The following CCDC85C variants were observed in gnomAD, a reference collection of about 807,000 sequenced individuals.
CCDC85C encodes the protein coiled-coil domain containing 85C, also known as coiled-coil domain-containing protein 85C.
In CCDC85C, 18 loss-of-function variants were observed where a neutral mutation model predicts 38.3. The ratio of observed to expected loss-of-function variants is 0.47; its 90% CI spans 0.33 to 0.70. The LOEUF is 0.70. CCDC85C is among the 30% of genes least tolerant of loss of function. CCDC85C has a pLI of 0.03. For synonymous variants in CCDC85C, 264 were observed against 293.8 expected (o/e 0.90, Z 1.04); for missense variants, 566 against 621.2 (o/e 0.91, Z 0.94).
intron 1 of CCDC85C, among the ~76,000 whole-genome samples, chr14:99,571,319 C>T (rs2400756): frequency 0.57 from 86,833 of 151,818 alleles, 24,926 homozygotes; most frequent in African/African-American, 0.62. Flanking sequence ...GGAACAGGCA[C>T]AGCCACAGCA....
In CCDC85C at chr14:99,603,784, C is replaced by A. The variant is rs1595115044; in HGVS notation, c.176G>T (p.Arg59Leu). 2.0e-6 allele frequency: 3 copies of A among 1,525,850 alleles called. No homozygotes were observed. The highest frequency in any genetic ancestry group is 2.0e-5 in the Admixed American group (1 of 50,078). The allele number at this position is 1,525,850 out of a possible 1,614,324, so 94.5% of individuals were successfully genotyped here. A position where few individuals can be genotyped will look rare whatever the true frequency, so the allele number is the denominator to read the frequency against. Reference protein sequence around the residue: ...HGGLMRDVNRRLQQHLLEIRG... With the variant: ...HGGLMRDVNRLLQQHLLEIRG... ...GATCTCCAGCAGGTGCTGCTGCAGC[C>A]GCCGGTTCACGTCGCGCATCAGGCC... The change falls in exon 1 of 6, where the codon CGG (arginine) becomes CTG (leucine). Residue 59 changes from arginine (R) to leucine (L), a missense_variant. Physicochemically the swap from Arg to Leu is moderately radical, Grantham distance 102. Transcript: ENST00000380243. This position sits in a 1 kb window ranked among gnomAD's most constrained non-coding sequence, Gnocchi z 7.5.
chr14:99,520,005 G>A lies in CCDC85C; in HGVS notation c.975+2128C>T, dbSNP rs1390994831. ...GCACAAGTCTGAGTGTCCTCCCTTA[G>A]GAGGCTGATGGGTATAAACCACCTC... On this transcript the variant is annotated intron_variant, in intron 3 of 5. Coordinates refer to ENST00000380243, the MANE Select transcript of CCDC85C (RefSeq NM_001144995.2). The surrounding 1 kb of genome is among the most constrained non-coding windows in gnomAD (Gnocchi z 4.1). Among the ~76,000 whole-genome samples, 1 of 152,172 alleles carries A rather than the reference G, an allele frequency of 6.6e-6. No homozygotes were observed. Among genetic ancestry groups the A allele is most frequent in the Non-Finnish European group, 1.5e-5 (1 of 68,032 alleles).
intron 3 of CCDC85C, among the ~76,000 whole-genome samples, chr14:99,517,499 GC>G (rs1284260511): frequency 2.0e-5 from 3 of 152,192 alleles, no homozygotes; most frequent in African/African-American, 7.2e-5. Context: ...CGTCTGTTTT[GC>G]AAGGAAAGTA....
At chr14:99,587,923 T>C (rs2139983358) in intron 1 of CCDC85C, among the ~76,000 whole-genome samples, 1 of 152,308 alleles carries the variant, frequency 6.6e-6, no homozygotes, top group East Asian at 1.9e-4. Context: ...AGAGCCACAC[T>C]GCCCTCCTGG....
intron 1 of CCDC85C, among the ~76,000 whole-genome samples, chr14:99,599,865 C>A (rs954448009): frequency 6.6e-6 from 1 of 152,174 alleles, no homozygotes; most frequent in African/African-American, 2.4e-5. Flanking sequence ...ACCAGAGAGA[C>A]CCTGTCTCTA....
chr14:99,552,453 G>A (rs1897929140), intron 1 of CCDC85C, among the ~76,000 whole-genome samples: 1 of 152,248 alleles, frequency 6.6e-6, no homozygotes, highest in African/African-American at 2.4e-5. Context: ...GCAGGTCTGT[G>A]CTGGCTGAGT....
rs1897341939 is a variant in CCDC85C at position 99,524,218 on chromosome 14, A to G, written c.868-1978T>C. On this transcript the variant is annotated intron_variant, in intron 2 of 5. Transcript: ENST00000380243. ...GCACACACTCTGAATGCGTGCGTGC[A>G]CATACACACAGTCTGACTACTGGGC... Among the ~76,000 whole-genome samples, 3 of 152,088 alleles carry G rather than the reference A, an allele frequency of 2.0e-5. 1 individual carries two copies. The South Asian group carries it at 6.2e-4, about 32-fold the overall frequency.
At chr14:99,586,453 C>A (rs117815326) in intron 1 of CCDC85C, among the ~76,000 whole-genome samples, 2 of 152,188 alleles carry the variant, frequency 1.3e-5, no homozygotes, top group Non-Finnish European at 2.9e-5. Context: ...AACGGAGGCA[C>A]GTGGTGAGGG....
chr14:99,576,873 C>T lies in CCDC85C; in HGVS notation c.793+26294G>A, dbSNP rs772909142. Among the ~76,000 whole-genome samples the T allele has an allele frequency of 2.2e-4, 33 of 152,136 alleles. No individual in the cohort carries two copies. Among genetic ancestry groups the T allele is most frequent in the Non-Finnish European group, 3.8e-4 (26 of 67,968 alleles). On this transcript the variant is annotated intron_variant, in intron 1 of 5. Transcript: ENST00000380243. This position sits in a 1 kb window ranked among gnomAD's most constrained non-coding sequence, Gnocchi z 4.8. ...CCCAAGACAGCACAGCGGGGCAGCACTCTCTCCGGGTCACCCCGGATGCCT... is the reference window on the plus strand; with the variant it reads ...CCCAAGACAGCACAGCGGGGCAGCATTCTCTCCGGGTCACCCCGGATGCCT...
intron 1 of CCDC85C, among the ~76,000 whole-genome samples, chr14:99,571,383 AC>A (rs2139962290): frequency 6.7e-6 from 1 of 149,402 alleles, no homozygotes; most frequent in Admixed American, 6.6e-5. Flanking sequence ...CTACCAAGTT[AC>A]GATAACCCCC....
rs889853860 is a variant in CCDC85C at position 99,603,399 on chromosome 14, G to A, written c.561C>T (p.Ser187=). Residue 187 remains serine (S), a synonymous_variant, in exon 1 of 6, where the codon AGC becomes AGT. Coordinates refer to ENST00000380243, the MANE Select transcript of CCDC85C (RefSeq NM_001144995.2). The surrounding 1 kb of genome is among the most constrained non-coding windows in gnomAD (Gnocchi z 7.5). ...RSSIDSQASL[S]GPLSGGAPGA... is the part of the protein sequence containing the mutation. ...CGGGCGCGCCACCCGACAGCGGCCC[G>A]CTCAGGCTGGCCTGGCTGTCGATGG... is the stretch of plus-strand genomic sequence containing the variant. 1.7e-4 allele frequency: 215 copies of A among 1,258,604 alleles called. No individual in the cohort carries two copies. In the African/African-American group the frequency reaches 3.0e-3, roughly 18 times the overall value. The allele number at this position is 1,258,604 out of a possible 1,614,324, so 78.0% of individuals were successfully genotyped here.
In CCDC85C at chr14:99,503,494, G is replaced by T; in HGVS notation, c.*11752C>A. The T allele has an allele frequency of 1.2e-6, 1 of 802,346 alleles. No homozygotes were observed. Among genetic ancestry groups the T allele is most frequent in the Non-Finnish European group, 2.0e-6 (1 of 491,770 alleles). 49.7% of individuals were successfully genotyped at this position (802,346 alleles called of 1,614,324 possible). A position where few individuals can be genotyped will look rare whatever the true frequency, so the allele number is the denominator to read the frequency against. ...AAAGTTCAGGCTAGAAATAATTTTTGTCCGAGGCTGTTCACAGTGACTGCC... is the reference window on the plus strand; with the variant it reads ...AAAGTTCAGGCTAGAAATAATTTTTTTCCGAGGCTGTTCACAGTGACTGCC... On this transcript the variant is annotated 3_prime_UTR_variant, in exon 6 of 6. Transcript: ENST00000380243.
intron 1 of CCDC85C, among the ~76,000 whole-genome samples, chr14:99,537,962 G>T (rs932496819): frequency 6.6e-6 from 1 of 152,182 alleles, no homozygotes; most frequent in African/African-American, 2.4e-5. Flanking sequence ...AACACCAGCT[G>T]GGAAGCAGTG....
chr14:99,598,373 G>A (rs976116855), intron 1 of CCDC85C, among the ~76,000 whole-genome samples: 5 of 152,250 alleles, frequency 3.3e-5, no homozygotes, highest in African/African-American at 9.6e-5. Context: ...TCTGTATCAC[G>A]TGCTGGTCCT....
chr14:99,503,685 A>G lies in CCDC85C; in HGVS notation c.*11561T>C. 6.7e-7 allele frequency: 1 copy of G among 1,501,706 alleles called. No homozygotes were observed. The highest frequency in any genetic ancestry group is 9.0e-7 in the Non-Finnish European group (1 of 1,107,184). The allele number at this position is 1,501,706 out of a possible 1,614,324, so 93.0% of individuals were successfully genotyped here. A position where few individuals can be genotyped will look rare whatever the true frequency, so the allele number is the denominator to read the frequency against. ...GATGTTTTTTTAGTTTTATGTGTTT[A>G]TATGCAAAACTTTAAATTCTTAGCC... On this transcript the variant is annotated 3_prime_UTR_variant, in exon 6 of 6. Transcript: ENST00000380243.
intron 1 of CCDC85C, among the ~76,000 whole-genome samples, chr14:99,541,950 CCT>C: frequency 6.6e-6 from 1 of 152,336 alleles, no homozygotes; most frequent in South Asian, 2.1e-4. Context: ...AGCCCCTCCC[CCT>C]GAGCAAGGCC....
chr14:99,584,331 G>A (rs765748079), intron 1 of CCDC85C, among the ~76,000 whole-genome samples: 6 of 152,182 alleles, frequency 3.9e-5, no homozygotes, highest in Non-Finnish European at 8.8e-5. Flanking sequence ...CTCCACCAGC[G>A]ATAAATCACG....
At chr14:99,593,804 C>T (rs910122047) in intron 1 of CCDC85C, among the ~76,000 whole-genome samples, 54 of 152,374 alleles carry the variant, frequency 3.5e-4, no homozygotes, top group African/African-American at 1.3e-3. Context: ...AGAGCCTTCA[C>T]AGCCTCCAAT....
chr14:99,570,683 G>A (rs576017116), intron 1 of CCDC85C, among the ~76,000 whole-genome samples: 9 of 152,242 alleles, frequency 5.9e-5, no homozygotes, highest in African/African-American at 1.9e-4. Context: ...GGGTCTTCCC[G>A]GCACCAGATT....
Sources: gnomAD v4.1 joint callset for allele counts (sites outside exome capture counted in the v4.1 genomes callset) on GRCh38, gnomAD v4.1.1 for gene constraint, Gnocchi (gnomAD v3.1) non-coding constraint, MANE v1.5 for transcripts, NCBI Gene and HGNC (gene_info 2026-07-23, HGNC 2026-07-21) for gene names.